The following CHD9 variants were observed in gnomAD, a reference collection of about 807,000 sequenced individuals.
CHD9 encodes the protein chromodomain helicase DNA binding protein 9.
In CHD9, 77 loss-of-function variants were observed where a neutral mutation model predicts 316.1. The ratio of observed to expected loss-of-function variants is 0.24; its 90% CI spans 0.20 to 0.29. The LOEUF (loss-of-function observed/expected upper bound fraction) is 0.29. CHD9 is among the 10% of genes least tolerant of loss of function. The pLI, the probability that CHD9 is intolerant of heterozygous loss-of-function variation, is 1.00. For synonymous variants in CHD9, 1,129 were observed against 1,158.3 expected (o/e 0.97, Z 0.51); for missense variants, 2,763 against 3,438.1 (o/e 0.80, Z 4.91).
chr16:53,107,489 T>TAAAATAAAATAAAATAAATA (rs377019215), intron 1 of CHD9, among the ~76,000 whole-genome samples: 1 of 123,090 alleles, frequency 8.1e-6, no homozygotes, highest in African/African-American at 3.8e-5. Flanking sequence ...TAAAATAAAA[T>TAAAATAAAATAAAATAAATA]AAATAAAATA....
At chr16:53,160,999 G>T (rs1208252527) in intron 2 of CHD9, among the ~76,000 whole-genome samples, 3 of 152,144 alleles carry the variant, frequency 2.0e-5, no homozygotes, top group African/African-American at 7.2e-5. Flanking sequence ...ACAAGAGGAT[G>T]AGTTGAGCCT....
rs760425450 is a variant in CHD9, at chr16:53,291,777, A to G, written c.5290+10A>G. 1.6e-5 allele frequency: 24 copies of G among 1,518,108 alleles called. No individual in the cohort carries two copies. In the East Asian group the frequency reaches 5.7e-4, roughly 36 times the overall value. 94.0% of individuals were successfully genotyped at this position (1,518,108 alleles called of 1,614,324 possible). A position where few individuals can be genotyped will look rare whatever the true frequency, so the allele number is the denominator to read the frequency against. ...GTTATAGCAGATGGAGGTAAATTGC[A>G]CGTACTTCTGTACTTAGTATTATTG... On this transcript the variant is annotated intron_variant, in intron 28 of 38. Coordinates refer to ENST00000447540, the MANE Select transcript of CHD9 (RefSeq NM_001308319.2).
intron 1 of CHD9, among the ~76,000 whole-genome samples, chr16:53,147,946 G>A (rs1008048973): frequency 2.0e-5 from 3 of 152,088 alleles, no homozygotes; most frequent in African/African-American, 7.2e-5. Context: ...GCCCATGGCT[G>A]TAATCTCAGC....
chr16:53,164,632 G>GTT (rs57354712), intron 2 of CHD9, among the ~76,000 whole-genome samples: 23 of 146,654 alleles, frequency 1.6e-4, no homozygotes, highest in Non-Finnish European at 2.7e-4. Flanking sequence ...TCTGTTTTTT[G>GTT]TTTTTTTTTT....
intron 24 of CHD9, among the ~76,000 whole-genome samples, chr16:53,284,109 G>T (rs929488540): frequency 1.3e-5 from 2 of 151,930 alleles, no homozygotes; most frequent in African/African-American, 4.8e-5. Flanking sequence ...TTTTCCCACA[G>T]AACTTGTCAA....
At chr16:53,136,691 T>C (rs765297067) in intron 1 of CHD9, among the ~76,000 whole-genome samples, 20 of 152,172 alleles carry the variant, frequency 1.3e-4, no homozygotes, top group Non-Finnish European at 2.8e-4. Context: ...TTTCATGGGT[T>C]TCATAATTTA....
chr16:53,073,625 A>AT (rs2034284224), intron 1 of CHD9, among the ~76,000 whole-genome samples: 1 of 152,182 alleles, frequency 6.6e-6, no homozygotes, highest in African/African-American at 2.4e-5. Context: ...GATAATTTGA[A>AT]TCATGGGATG....
At chr16:53,296,382 G>A (rs2054789408) in intron 29 of CHD9, among the ~76,000 whole-genome samples, 1 of 151,694 alleles carries the variant, frequency 6.6e-6, no homozygotes, top group Non-Finnish European at 1.5e-5. Flanking sequence ...AGTATGTTTG[G>A]GGACACATGT....
At chr16:53,093,059 A>G (rs2036085835) in intron 1 of CHD9, among the ~76,000 whole-genome samples, 1 of 152,250 alleles carries the variant, frequency 6.6e-6, no homozygotes, top group South Asian at 2.1e-4. Flanking sequence ...GATTACAGGC[A>G]TGAGCCATTA....
chr16:53,096,734 A>G (rs1214459337), intron 1 of CHD9, among the ~76,000 whole-genome samples: 1 of 152,206 alleles, frequency 6.6e-6, no homozygotes, highest in East Asian at 1.9e-4. Context: ...TAATTGATAA[A>G]GAAAAGAAAT....
chr16:53,303,342 A>G (rs1187430797), intron 30 of CHD9, among the ~76,000 whole-genome samples: 1 of 152,234 alleles, frequency 6.6e-6, no homozygotes, highest in East Asian at 1.9e-4. Flanking sequence ...AGTTTGAGCA[A>G]GTGTTTGTGT....
intron 8 of CHD9, among the ~76,000 whole-genome samples, chr16:53,229,412 T>C (rs1214656038): frequency 6.6e-6 from 1 of 152,142 alleles, no homozygotes; most frequent in Non-Finnish European, 1.5e-5. Flanking sequence ...GTGGAGGAAG[T>C]GATAATCTAG....
chr16:53,179,413 T>G (rs756017967), intron 2 of CHD9, among the ~76,000 whole-genome samples: 2 of 152,130 alleles, frequency 1.3e-5, no homozygotes, highest in Non-Finnish European at 2.9e-5. Context: ...TTTAAAATTG[T>G]TGGAGCCATG....
chr16:53,265,976 GTT>G (rs536020046), intron 20 of CHD9, among the ~76,000 whole-genome samples: 1 of 139,538 alleles, frequency 7.2e-6, no homozygotes. Flanking sequence ...TTAGTTTTTT[GTT>G]TTTTTTTTTA....
At chr16:53,117,733 G>A (rs2038426605) in intron 1 of CHD9, among the ~76,000 whole-genome samples, 1 of 151,814 alleles carries the variant, frequency 6.6e-6, no homozygotes. Flanking sequence ...CTATTTTTGA[G>A]ATCTTTACCC....
chr16:53,306,506 G>C, intron 32 of CHD9, 109 bp downstream of exon 32: 2 of 900,000 alleles, frequency 2.2e-6, no homozygotes, highest in East Asian at 3.1e-5. Context: ...GTAAAATGTA[G>C]GATGACATTT....
In CHD9 at chr16:53,324,411, C is replaced by A; in HGVS notation, c.8210C>A (p.Ser2737Tyr). The change falls in exon 39 of 39, where the codon TCT (serine) becomes TAT (tyrosine). Residue 2737 changes from serine (S) to tyrosine (Y), a missense_variant. Physicochemically the swap from Ser to Tyr is moderately radical, Grantham distance 144 (BLOSUM62 -2). This residue lies in a region of CHD9 where 298 missense variants were observed against 380.2 expected (regional missense o/e 0.78). Transcript: ENST00000447540. The part of the protein sequence containing the change: ...MGGLLTKPTE[S>Y]GTEDKKGSDS... Reference sequence around the variant, plus strand: ...GGACTCCTGACAAAGCCTACGGAATCTGGGACAGAAGACAAAAAGGGAAGT... The same window carrying A: ...GGACTCCTGACAAAGCCTACGGAATATGGGACAGAAGACAAAAAGGGAAGT... The A allele has an allele frequency of 1.2e-6, 2 of 1,613,974 alleles. No individual in the cohort carries two copies. Among genetic ancestry groups the A allele is most frequent in the Non-Finnish European group, 8.5e-7 (1 of 1,179,892 alleles).
intron 1 of CHD9, among the ~76,000 whole-genome samples, chr16:53,108,878 G>T (rs1425891162): frequency 1.3e-5 from 2 of 151,460 alleles, no homozygotes; most frequent in African/African-American, 4.9e-5. Context: ...TGGGCAATAA[G>T]AGCAAAACTG....
intron 12 of CHD9, among the ~76,000 whole-genome samples, chr16:53,238,988 T>TTAAA (rs1213631974): frequency 6.6e-6 from 1 of 152,214 alleles, no homozygotes; most frequent in East Asian, 1.9e-4. Context: ...TACCACAGGC[T>TTAAA]TAAATGCCTG....
Sources: gnomAD v4.1 joint callset for allele counts (sites outside exome capture counted in the v4.1 genomes callset) on GRCh38, gnomAD v4.1.1 for gene constraint, gnomAD v4.1.1 regional missense constraint, MANE v1.5 for transcripts, NCBI Gene and HGNC (gene_info 2026-07-23, HGNC 2026-07-21) for gene names.